FAM169A: variants seen among roughly 807,000 people sequenced by gnomAD.
The protein encoded by FAM169A is family with sequence similarity 169 member A, also known as soluble lamin-associated protein of 75 kDa.
FAM169A carries 24 observed loss-of-function variants against 75.7 expected under a neutral mutation model. The ratio of observed to expected loss-of-function variants is 0.32; its 90% CI spans 0.23 to 0.45. The LOEUF (loss-of-function observed/expected upper bound fraction) is 0.45. Ranked by LOEUF, FAM169A falls within the 20% of genes least tolerant of loss-of-function variation. The pLI, the probability that FAM169A is intolerant of heterozygous loss-of-function variation, is 1.00. For synonymous variants in FAM169A, 271 were observed against 271.0 expected (o/e 1.00, Z 0.00); for missense variants, 673 against 784.0 (o/e 0.86, Z 1.69).
intron 1 of FAM169A, among the ~76,000 whole-genome samples, chr5:74,853,235 G>A (rs1347922602): frequency 1.3e-5 from 2 of 152,138 alleles, no homozygotes; most frequent in East Asian, 1.9e-4. Flanking sequence ...ACCTCAAAAT[G>A]TCATTTACAA....
chr5:74,810,441 GTGTACGGTACA>G (rs545684842), intron 6 of FAM169A, among the ~76,000 whole-genome samples: 68 of 152,178 alleles, frequency 4.5e-4, no homozygotes, highest in South Asian at 1.2e-3. Flanking sequence ...GTACACTTTT[GTGTACGGTACA>G]TGTACGGTAC....
chr5:74,830,519 T>C (rs1008796152), intron 5 of FAM169A, among the ~76,000 whole-genome samples: 4 of 152,140 alleles, frequency 2.6e-5, no homozygotes, highest in Admixed American at 6.5e-5. Flanking sequence ...AAGGTGCCAA[T>C]AGACACAGGA....
At chr5:74,795,786 C>T (rs559893133) in intron 11 of FAM169A, among the ~76,000 whole-genome samples, 1 of 152,306 alleles carries the variant, frequency 6.6e-6, no homozygotes, top group African/African-American at 2.4e-5. Flanking sequence ...CTAAACATCT[C>T]TATTTTATCT....
At chr5:74,811,519 C>T (rs919956799) in intron 6 of FAM169A, among the ~76,000 whole-genome samples, 2 of 152,114 alleles carry the variant, frequency 1.3e-5, no homozygotes, top group African/African-American at 4.8e-5. Flanking sequence ...TAATTCTGTA[C>T]TTGGTTCCTG....
rs1343192182 is a variant in FAM169A, at chr5:74,795,087, G to A, written c.1260+943C>T. Among the ~76,000 whole-genome samples, 5 of 151,916 alleles carry A rather than the reference G, an allele frequency of 3.3e-5. No homozygotes were observed. In the South Asian group the frequency reaches 6.2e-4, roughly 19 times the overall value. On this transcript the variant is annotated intron_variant, in intron 11 of 12. Transcript: ENST00000687041. ...AGCCTGGCCAAAGTGGTGAAACCCC[G>A]TCTCTACTAAAAATACAAAAATTAG...
At position 74,815,196 on chromosome 5, in the gene FAM169A, C is replaced by CT. The variant is rs59570627; in HGVS notation, c.491-1178dup. On this transcript the variant is annotated intron_variant, in intron 5 of 12. Transcript: ENST00000687041. ...GATATTTTTATTTTTTTTCTTTTTT[C>CT]TTTTTTTTTTGAGATGGAATTTCAC... Among the ~76,000 whole-genome samples, 57 of 147,554 alleles carry CT rather than the reference C, an allele frequency of 3.9e-4. 1 individual carries two copies. The highest frequency in any genetic ancestry group is 6.2e-4 in the Non-Finnish European group (41 of 66,514).
At chr5:74,807,892 G>A (rs1045303082) in intron 6 of FAM169A, among the ~76,000 whole-genome samples, 14 of 152,316 alleles carry the variant, frequency 9.2e-5, no homozygotes, top group African/African-American at 3.4e-4. Flanking sequence ...GCCAAGGTAG[G>A]CAGATCATGA....
intron 1 of FAM169A, among the ~76,000 whole-genome samples, chr5:74,856,628 G>T (rs1250638752): frequency 6.6e-6 from 1 of 151,816 alleles, no homozygotes; most frequent in East Asian, 1.9e-4. Context: ...ATCCATTGCT[G>T]AAGGACAGAG....
intron 6 of FAM169A, among the ~76,000 whole-genome samples, chr5:74,810,752 A>C (rs1747139931): frequency 1.7e-4 from 1 of 5,952 alleles, no homozygotes; most frequent in Admixed American, 1.2e-3. Context: ...ACTCCGTCTC[A>C]AAAAAAAAAA....
intron 1 of FAM169A, among the ~76,000 whole-genome samples, chr5:74,851,775 A>C (rs577371446): frequency 2.2e-4 from 33 of 152,280 alleles, no homozygotes; most frequent in African/African-American, 7.7e-4. Context: ...AAAAATAAGC[A>C]CTTAAATTAA....
chr5:74,854,014 G>A (rs1749581229), intron 1 of FAM169A, among the ~76,000 whole-genome samples: 1 of 151,524 alleles, frequency 6.6e-6, no homozygotes, highest in Non-Finnish European at 1.5e-5. Flanking sequence ...TTTAATTTTT[G>A]TGGGTACCTA....
At chr5:74,853,934 G>C (rs1158611928) in intron 1 of FAM169A, among the ~76,000 whole-genome samples, 1 of 150,424 alleles carries the variant, frequency 6.6e-6, no homozygotes, top group African/African-American at 2.4e-5. Context: ...GTGTTTTAAA[G>C]CTGAAGTTAA....
chr5:74,835,593 C>T (rs1748531706), intron 4 of FAM169A, among the ~76,000 whole-genome samples: 1 of 113,416 alleles, frequency 8.8e-6, no homozygotes, highest in African/African-American at 3.8e-5. Context: ...CAGAGTGAGA[C>T]TGTGTCTCAA....
chr5:74,791,136 G>T (rs1218962591), intron 11 of FAM169A, among the ~76,000 whole-genome samples: 1 of 152,160 alleles, frequency 6.6e-6, no homozygotes, highest in Non-Finnish European at 1.5e-5. Context: ...TCATCTTGAA[G>T]CAGCTGGATT....
At position 74,777,632 on chromosome 5, in the gene FAM169A, T is replaced by G. The variant is rs1236411062; in HGVS notation, c.*3828A>C. Reference sequence around the variant, plus strand: ...GTCTGTCTTCAGAGTACAACCAATGTGATTAATTGTGCCTTTAACAAAGTC... The same window carrying G: ...GTCTGTCTTCAGAGTACAACCAATGGGATTAATTGTGCCTTTAACAAAGTC... On this transcript the variant is annotated 3_prime_UTR_variant, in exon 13 of 13. Transcript: ENST00000687041. The G allele has an allele frequency of 6.6e-6, 1 of 151,734 alleles. No individual in the cohort carries two copies. Among genetic ancestry groups the G allele is most frequent in the Non-Finnish European group, 1.5e-5 (1 of 67,742 alleles). The allele number at this position is 151,734 out of a possible 1,614,324, so 9.4% of individuals were successfully genotyped here.
At chr5:74,827,724 G>C (rs1748109763) in intron 5 of FAM169A, among the ~76,000 whole-genome samples, 1 of 148,592 alleles carries the variant, frequency 6.7e-6, no homozygotes, top group African/African-American at 2.5e-5. Context: ...GTGCAATGGT[G>C]CAATCTCGGT....
At chr5:74,846,158 C>T (rs139227191) in intron 1 of FAM169A, among the ~76,000 whole-genome samples, 2,656 of 152,252 alleles carry the variant, frequency 0.017, 44 homozygotes, top group South Asian at 0.047. Flanking sequence ...ATTTATTATA[C>T]CATATCATTG....
intron 1 of FAM169A, among the ~76,000 whole-genome samples, chr5:74,845,848 T>C (rs144762961): frequency 6.6e-5 from 10 of 152,322 alleles, no homozygotes; most frequent in African/African-American, 2.4e-4. Flanking sequence ...AGTAGCTCTA[T>C]TGTGAAGGAA....
chr5:74,799,292 C>A, intron 10 of FAM169A: 2 of 1,572,644 alleles, frequency 1.3e-6, no homozygotes, highest in Non-Finnish European at 1.8e-6. Context: ...CGCACAGCTA[C>A]TTTTGTGAAG....
Sources: gnomAD v4.1 joint callset for allele counts (sites outside exome capture counted in the v4.1 genomes callset) on GRCh38, gnomAD v4.1.1 for gene constraint, MANE v1.5 for transcripts, NCBI Gene and HGNC (gene_info 2026-07-23, HGNC 2026-07-21) for gene names.